ST7: variants seen among roughly 807,000 people sequenced by gnomAD.
The protein encoded by ST7 is suppression of tumorigenicity 7, also known as suppressor of tumorigenicity 7 protein.
ST7 carries 28 observed loss-of-function variants against 78.7 expected under a neutral mutation model. The ratio of observed to expected loss-of-function variants is 0.36; its 90% CI spans 0.26 to 0.49. The LOEUF (loss-of-function observed/expected upper bound fraction) is 0.49, where lower values mean the gene tolerates loss of function less well. Ranked by LOEUF, ST7 falls within the 20% of genes least tolerant of loss-of-function variation. ST7 has a pLI of 0.99. For missense variants in ST7, 418 were observed against 696.0 expected (o/e 0.60, Z 4.49); for synonymous variants, 247 against 249.6 (o/e 0.99, Z 0.10).
At chr7:117,204,762 G>A (rs1261772431) in intron 12 of ST7, among the ~76,000 whole-genome samples, 2 of 152,012 alleles carry the variant, frequency 1.3e-5, no homozygotes, top group East Asian at 3.9e-4. Flanking sequence ...AGCATTGTAG[G>A]CATGAAAAAA....
At chr7:116,958,868 G>C (rs997093829) in intron 1 of ST7, among the ~76,000 whole-genome samples, 1 of 151,910 alleles carries the variant, frequency 6.6e-6, no homozygotes, top group African/African-American at 2.4e-5. Flanking sequence ...TAATCTTTTT[G>C]CTGGTAGAGA....
chr7:116,960,818 T>C (rs1449363826), intron 1 of ST7, among the ~76,000 whole-genome samples: 2 of 152,214 alleles, frequency 1.3e-5, no homozygotes, highest in African/African-American at 4.8e-5. Flanking sequence ...AGAGGCTCTT[T>C]AGTTTAGATT....
chr7:116,956,694 A>G (rs1455652266), intron 1 of ST7: 1 of 467,152 alleles, frequency 2.1e-6, no homozygotes, highest in Non-Finnish European at 4.4e-6. Flanking sequence ...ATCTGTGACA[A>G]TTTTAATCCT....
chr7:117,063,292 T>G (rs1336677111), intron 1 of ST7, among the ~76,000 whole-genome samples: 1 of 152,226 alleles, frequency 6.6e-6, no homozygotes, highest in East Asian at 1.9e-4. Context: ...CCAATTCTTT[T>G]TTTGCTTTAA....
chr7:117,068,436 C>T (rs1011328281), intron 1 of ST7, among the ~76,000 whole-genome samples: 4 of 152,168 alleles, frequency 2.6e-5, no homozygotes, highest in Non-Finnish European at 5.9e-5. Context: ...TTTCATCCTA[C>T]GTTTTTCTAC....
chr7:117,130,607 G>T lies in ST7; in HGVS notation c.565+1G>T. The T allele has an allele frequency of 1.9e-6, 3 of 1,606,944 alleles. No homozygotes were observed. The highest frequency in any genetic ancestry group is 2.6e-6 in the Non-Finnish European group (3 of 1,176,082). On this transcript the variant is annotated splice_donor_variant, in intron 5 of 15. Coordinates refer to ENST00000323984, the MANE Select transcript of ST7 (RefSeq NM_001369598.1). LOFTEE classifies it high-confidence loss of function. ...GACCATCTGCGTCCCGCAGATGCAA[G>T]TATGAAAAATCCATACATCCTTCTG...
intron 10 of ST7, among the ~76,000 whole-genome samples, chr7:117,185,168 A>G (rs1809138327): frequency 6.6e-6 from 1 of 152,196 alleles, no homozygotes; most frequent in Admixed American, 6.5e-5. Context: ...GGCTAATAAG[A>G]TAACTATACT....
At chr7:116,981,738 A>G (rs548503683) in intron 1 of ST7, among the ~76,000 whole-genome samples, 1 of 152,344 alleles carries the variant, frequency 6.6e-6, no homozygotes, top group African/African-American at 2.4e-5. Context: ...GCTGTTTTAC[A>G]GTGAGCTAAG....
At chr7:116,955,960 C>G (rs761037613) in intron 1 of ST7, among the ~76,000 whole-genome samples, 1 of 152,092 alleles carries the variant, frequency 6.6e-6, no homozygotes, top group Non-Finnish European at 1.5e-5. Context: ...GTTTCATGCT[C>G]ATTTCAGTCA....
intron 9 of ST7, among the ~76,000 whole-genome samples, chr7:117,144,923 G>A (rs1329759330): frequency 3.9e-5 from 6 of 152,040 alleles, no homozygotes. Flanking sequence ...AAATGGCCAG[G>A]TATGGTGGCT....
At chr7:117,226,054 C>T (rs902078721) in intron 15 of ST7, among the ~76,000 whole-genome samples, 2 of 152,128 alleles carry the variant, frequency 1.3e-5, no homozygotes, top group African/African-American at 2.4e-5. Context: ...TCTCCTTCTC[C>T]GAGACTGAGC....
chr7:117,184,564 T>C (rs1469194602), intron 10 of ST7, among the ~76,000 whole-genome samples: 1 of 152,216 alleles, frequency 6.6e-6, no homozygotes, highest in Non-Finnish European at 1.5e-5. Flanking sequence ...CATGAAGTCA[T>C]AGCAGGCAGA....
At chr7:116,960,827 TTTTA>T (rs1356401220) in intron 1 of ST7, among the ~76,000 whole-genome samples, 2 of 152,228 alleles carry the variant, frequency 1.3e-5, no homozygotes, top group African/African-American at 4.8e-5. Flanking sequence ...TTAGTTTAGA[TTTTA>T]TTTGTCAATT....
intron 14 of ST7, among the ~76,000 whole-genome samples, chr7:117,220,809 C>T (rs985319505): frequency 1.3e-5 from 2 of 152,198 alleles, no homozygotes; most frequent in African/African-American, 2.4e-5. Context: ...GTTTGAATCC[C>T]AGCAGGCTGA....
intron 3 of ST7, among the ~76,000 whole-genome samples, chr7:117,125,336 A>G (rs545605248): frequency 6.6e-6 from 1 of 152,292 alleles, no homozygotes; most frequent in East Asian, 1.9e-4. Flanking sequence ...CCATCTCGAC[A>G]GTATTCTTGA....
chr7:117,223,754 G>A (rs576503759), intron 15 of ST7: 2 of 154,628 alleles, frequency 1.3e-5, no homozygotes, highest in Non-Finnish European at 2.8e-5. Context: ...CACATTTATT[G>A]TACTGTATTA....
At chr7:117,189,909 T>C (rs1180626624) in intron 11 of ST7, among the ~76,000 whole-genome samples, 2 of 152,188 alleles carry the variant, frequency 1.3e-5, no homozygotes, top group East Asian at 1.9e-4. Context: ...CTATGACATA[T>C]AGACTTTTCA....
At chr7:117,026,756 GC>G (rs1796202767) in intron 1 of ST7, among the ~76,000 whole-genome samples, 1 of 152,204 alleles carries the variant, frequency 6.6e-6, no homozygotes, top group Non-Finnish European at 1.5e-5. Context: ...GCCTTTGGGG[GC>G]CTGGATATCT....
intron 1 of ST7, among the ~76,000 whole-genome samples, chr7:117,052,622 C>T (rs1046057888): frequency 6.6e-6 from 1 of 152,232 alleles, no homozygotes; most frequent in Non-Finnish European, 1.5e-5. Flanking sequence ...GGGCCAGGAG[C>T]AGTGGCTCAC....
Sources: allele counts gnomAD v4.1 joint callset (sites outside exome capture counted in the v4.1 genomes callset), GRCh38; gene constraint gnomAD v4.1.1; transcripts MANE v1.5; gene names NCBI Gene and HGNC (gene_info 2026-07-23, HGNC 2026-07-21).